Variants in WDR11 observed in about 807,000 individuals in gnomAD.
WDR11 encodes WD repeat domain 11.
A neutral mutation model predicts 151.2 loss-of-function variants in WDR11; 83 were observed. That is an observed-to-expected ratio of 0.55 (90% CI 0.46 to 0.66). The LOEUF (loss-of-function observed/expected upper bound fraction) is 0.66. WDR11 is among the 30% of genes least tolerant of loss of function. The pLI, the probability that WDR11 is intolerant of heterozygous loss-of-function variation, is 0.00. For missense variants in WDR11, 1,301 were observed against 1,480.9 expected, an observed-to-expected ratio of 0.88 and a Z score of 1.99; for synonymous variants, 484 against 533.1, an observed-to-expected ratio of 0.91 and a Z score of 1.27.
chr10:120,870,240 A>C (rs1258743319), intron 9 of WDR11, among the ~76,000 whole-genome samples: 2 of 152,114 alleles, frequency 1.3e-5, no homozygotes, highest in Non-Finnish European at 1.5e-5. Flanking sequence ...ACAGCTTCAA[A>C]AGGTTGTATT....
Position 120,904,814 on chromosome 10 carries a change from A to G in WDR11, c.3193+3A>G, listed in dbSNP as rs1210135276. On this transcript the variant is annotated splice_donor_region_variant and intron_variant, in intron 25 of 28. Coordinates refer to ENST00000263461, the MANE Select transcript of WDR11 (RefSeq NM_018117.12). The stretch of plus-strand genomic sequence containing the variant: ...GATTGCCAATGGCAAATTGGCAGGT[A>G]AGGCACACTTGATATGTTTGTCATC... 2.5e-6 allele frequency: 4 copies of G among 1,614,214 alleles called. No individual in the cohort carries two copies. In the Admixed American group the frequency reaches 5.0e-5, roughly 20 times the overall value.
At chr10:120,902,117 G>A in intron 21 of WDR11, 140 bp from the exon 22 acceptor site, 1 of 764,920 alleles carries the variant, frequency 1.3e-6, no homozygotes, top group Non-Finnish European at 2.3e-6. Flanking sequence ...CAGGGTCATG[G>A]TAAAGTACCT....
rs1044229827 is a variant in WDR11 at position 120,909,424 on chromosome 10, T to G, written c.*711T>G. 5 of 152,858 alleles carry G rather than the reference T, an allele frequency of 3.3e-5. No individual in the cohort carries two copies. The highest frequency in any genetic ancestry group is 1.2e-4 in the African/African-American group (5 of 41,464). The allele number at this position is 152,858 out of a possible 1,614,324, so 9.5% of individuals were successfully genotyped here. A position where few individuals can be genotyped will look rare whatever the true frequency, so the allele number is the denominator to read the frequency against. The stretch of plus-strand genomic sequence containing the variant: ...CTTTGTACTTTAATGTTCTCTCTGT[T>G]CTAATAGTTGAAGTATGAGATGTAA... On this transcript the variant is annotated 3_prime_UTR_variant, in exon 29 of 29. Transcript: ENST00000263461.
intron 3 of WDR11, among the ~76,000 whole-genome samples, chr10:120,859,548 T>C (rs1846066046): frequency 6.6e-6 from 1 of 152,102 alleles, no homozygotes; most frequent in South Asian, 2.1e-4. Flanking sequence ...ATTACAGGCG[T>C]GAACCACTGC....
rs1303331221 is a variant in WDR11, at chr10:120,851,447, G to C, written c.27G>C (p.Lys9Asn). The change falls in exon 1 of 29, where the codon AAG (lysine) becomes AAC (asparagine). Residue 9 changes from lysine (K) to asparagine (N), a missense_variant. Transcript: ENST00000263461. Reference sequence around the variant, plus strand: ...TGTTGCCCTACACAGTGAACTTCAAGGTGTCGGCGCGCACCCTCACGGGGG... The same window carrying C: ...TGTTGCCCTACACAGTGAACTTCAACGTGTCGGCGCGCACCCTCACGGGGG... MLPYTVNF[K>N]VSARTLTGAL... 1 of 1,612,240 alleles carries C rather than the reference G, an allele frequency of 6.2e-7. No homozygotes were observed. Among genetic ancestry groups the C allele is most frequent in the South Asian group, 1.1e-5 (1 of 90,588 alleles).
At position 120,905,984 on chromosome 10, in the gene WDR11, C is replaced by G; in HGVS notation, c.3400C>G (p.Leu1134Val). The G allele has an allele frequency of 6.2e-7, 1 of 1,614,108 alleles. No individual in the cohort carries two copies. The highest frequency in any genetic ancestry group is 1.1e-5 in the South Asian group (1 of 91,076). Residue 1134 changes from leucine (L) to valine (V), a missense_variant, in exon 27 of 29, where the codon CTG becomes GTG. Leu to Val is a conservative substitution (Grantham distance 32, BLOSUM62 1). Transcript: ENST00000263461. Reference protein sequence around the residue: ...KSKALLVLLSLGCFFSVAETL... With the variant: ...KSKALLVLLSVGCFFSVAETL... ...AAAGGCTCTCCTGGTTCTCCTCTCTCTGGGCTGCTTTTTTAGCGTGGCAGA... is the reference window on the plus strand; with the variant it reads ...AAAGGCTCTCCTGGTTCTCCTCTCTGTGGGCTGCTTTTTTAGCGTGGCAGA...
chr10:120,903,519 AAAAAG>A (rs1231080519), intron 23 of WDR11, among the ~76,000 whole-genome samples: 2 of 151,502 alleles, frequency 1.3e-5, no homozygotes, highest in Non-Finnish European at 2.9e-5. Context: ...CCAAAAAAAA[AAAAAG>A]AAAGAAAAGA....
rs1479272990 is a variant in WDR11, at chr10:120,906,815, T to C, written c.3477T>C (p.Ala1159=). Residue 1159 remains alanine (A), a synonymous_variant, in exon 28 of 29, where the codon GCT becomes GCC. Transcript: ENST00000263461. The stretch of plus-strand genomic sequence containing the variant: ...ATAGAGCAGCCTTATTTGTGGAAGC[T>C]TGCCTCAAGTATGGAGCATTTGAAG... ...YFDRAALFVE[A]CLKYGAFEVT... is the part of the protein sequence containing the mutation. The C allele has an allele frequency of 1.2e-6, 2 of 1,614,210 alleles. No individual in the cohort carries two copies. Among genetic ancestry groups the C allele is most frequent in the Non-Finnish European group, 1.7e-6 (2 of 1,180,028 alleles).
At position 120,880,701 on chromosome 10, in the gene WDR11, G is replaced by A. The variant is rs904172670; in HGVS notation, c.1664-125G>A. On this transcript the variant is annotated intron_variant, in intron 12 of 28. Coordinates refer to ENST00000263461, the MANE Select transcript of WDR11 (RefSeq NM_018117.12). ...AACAGAAACAGATTAGAAGCAAATG[G>A]AAGAATGAATAGGAGAACAGAGGGT... is the stretch of plus-strand genomic sequence containing the variant. The A allele has an allele frequency of 1.1e-5, 9 of 840,348 alleles. No individual in the cohort carries two copies. In the African/African-American group the frequency reaches 1.6e-4, roughly 15 times the overall value. 52.1% of individuals were successfully genotyped at this position (840,348 alleles called of 1,614,324 possible). A position where few individuals can be genotyped will look rare whatever the true frequency, so the allele number is the denominator to read the frequency against.
intron 13 of WDR11, among the ~76,000 whole-genome samples, chr10:120,882,418 CT>C (rs1275028814): frequency 2.7e-5 from 4 of 149,754 alleles, no homozygotes; most frequent in African/African-American, 2.4e-5. Flanking sequence ...ATTCTCTCTC[CT>C]TTTTTTTTGA....
At chr10:120,889,237 C>CG in intron 17 of WDR11, 53 bp downstream of exon 17, 1 of 963,128 alleles carries the variant, frequency 1.0e-6, no homozygotes, top group Non-Finnish European at 1.5e-6. Context: ...GAAATGAAAT[C>CG]TTTTTGTTTT....
At chr10:120,881,589 G>C (rs1847008237) in intron 13 of WDR11, among the ~76,000 whole-genome samples, 1 of 151,928 alleles carries the variant, frequency 6.6e-6, no homozygotes, top group African/African-American at 2.4e-5. Flanking sequence ...CAGTGTGTAA[G>C]TCTTACATAT....
chr10:120,906,317 C>T, intron 27 of WDR11: 1 of 1,291,604 alleles, frequency 7.7e-7, no homozygotes, highest in South Asian at 1.6e-5. Flanking sequence ...TTGACTAGAG[C>T]AACTGAGAGG....
chr10:120,865,491 G>A (rs1846279851), intron 6 of WDR11, 139 bp from the exon 7 acceptor site: 2 of 690,488 alleles, frequency 2.9e-6, no homozygotes, highest in Admixed American at 3.0e-5. Context: ...TATTTTAAAT[G>A]TACATTTAGT....
chr10:120,906,160 C>A, intron 27 of WDR11, 139 bp downstream of exon 27: 1 of 1,547,564 alleles, frequency 6.5e-7, no homozygotes. Flanking sequence ...TCAAAAAACC[C>A]AAAGGAGAAT....
chr10:120,902,258 G>A lies in WDR11; in HGVS notation c.2689G>A (p.Asp897Asn). 1 of 1,614,012 alleles carries A rather than the reference G, an allele frequency of 6.2e-7. No individual in the cohort carries two copies. Among genetic ancestry groups the A allele is most frequent in the South Asian group, 1.1e-5 (1 of 91,066 alleles). The change falls in exon 22 of 29, where the codon GAC (aspartate) becomes AAC (asparagine). Residue 897 changes from aspartate (D) to asparagine (N), a missense_variant and splice_region_variant. Asp to Asn is a conservative substitution (Grantham distance 23). Coordinates refer to ENST00000263461, the MANE Select transcript of WDR11 (RefSeq NM_018117.12). ...CTTTTGTCCGGATTTCTTCCACAGT[G>A]ACATAAAGAAACTGTTGCTTGATCC... is the stretch of plus-strand genomic sequence containing the variant. The part of the protein sequence containing the change: ...LQEQLNSLSN[D>N]IKKLLLDPEF...
In WDR11 at chr10:120,908,625, C is replaced by A; in HGVS notation, c.3587C>A (p.Ala1196Glu). 6.2e-7 allele frequency: 1 copy of A among 1,614,124 alleles called. No individual in the cohort carries two copies. Among genetic ancestry groups the A allele is most frequent in the Non-Finnish European group, 8.5e-7 (1 of 1,179,986 alleles). The part of the protein sequence containing the change: ...SLKNLGFKQG[A>E]VLFASKAGAA... The stretch of plus-strand genomic sequence containing the variant: ...AAGAACCTCGGTTTTAAGCAGGGAG[C>A]AGTTCTCTTTGCTTCAAAAGCCGGA... Residue 1196 changes from alanine (A) to glutamate (E), a missense_variant, in exon 29 of 29, where the codon GCA (alanine) becomes GAA (glutamate). Coordinates refer to ENST00000263461, the MANE Select transcript of WDR11 (RefSeq NM_018117.12).
intron 2 of WDR11, among the ~76,000 whole-genome samples, chr10:120,857,504 A>G (rs1296269020): frequency 6.6e-6 from 1 of 151,300 alleles, no homozygotes; most frequent in Non-Finnish European, 1.5e-5. Context: ...TTAAACATAT[A>G]CACATACAAA....
rs138588847 is a variant in WDR11, at chr10:120,862,745, C to A, written c.537C>A (p.Ser179Arg). The A allele has an allele frequency of 1.2e-6, 2 of 1,614,032 alleles. No individual in the cohort carries two copies. Among genetic ancestry groups the A allele is most frequent in the Non-Finnish European group, 1.7e-6 (2 of 1,179,996 alleles). Residue 179 changes from serine to arginine, a missense_variant, in exon 5 of 29, where the codon AGC (serine) becomes AGA (arginine). Physicochemically the swap from Ser to Arg is moderately radical, Grantham distance 110. Transcript: ENST00000263461. ...CTTTTCTCAATATAGTGCTTACCAGCGAGGGTATTGTTTTCATCTCAGACT... is the reference window on the plus strand; with the variant it reads ...CTTTTCTCAATATAGTGCTTACCAGAGAGGGTATTGTTTTCATCTCAGACT... ...FDPSHLTLLT[S>R]EGIVFISDFS...
Sources: gnomAD v4.1 joint callset for allele counts (sites outside exome capture counted in the v4.1 genomes callset) on GRCh38, gnomAD v4.1.1 for gene constraint, MANE v1.5 for transcripts, NCBI Gene and HGNC (gene_info 2026-07-23, HGNC 2026-07-21) for gene names.